The following VDAC1 variants were observed in gnomAD, a reference collection of about 807,000 sequenced individuals.
VDAC1 encodes non-selective voltage-gated ion channel VDAC1.
Under a neutral mutation model 34.7 loss-of-function variants are expected in VDAC1, and 10 were observed. That is an observed-to-expected ratio of 0.29 (90% CI 0.18 to 0.49). The LOEUF (loss-of-function observed/expected upper bound fraction) is 0.49, where lower values mean the gene tolerates loss of function less well. Ranked by LOEUF, VDAC1 falls within the 20% of genes least tolerant of loss-of-function variation. VDAC1 has a pLI of 0.99. For missense variants in VDAC1, 230 were observed against 347.9 expected, an observed-to-expected ratio of 0.66 and a Z score of 2.69; for synonymous variants, 130 against 136.0, an observed-to-expected ratio of 0.96 and a Z score of 0.30.
At chr5:134,058,724 C>G in the VDAC1 span, among the ~76,000 whole-genome samples, 5 of 152,164 alleles carry the variant, frequency 3.3e-5, no homozygotes, top group Admixed American at 6.5e-5. Context: ...GGGAACAGAG[C>G]AAAGATGGAG....
chr5:133,972,949 T>G, intron 8 of VDAC1, 87 bp from the exon 9 acceptor site: 1 of 1,145,284 alleles, frequency 8.7e-7, no homozygotes, highest in South Asian at 1.3e-5. Context: ...TCAGAACCTG[T>G]TCCAGGTATT....
the VDAC1 span, among the ~76,000 whole-genome samples, chr5:134,109,219 A>G: frequency 6.6e-6 from 1 of 152,222 alleles, no homozygotes; most frequent in African/African-American, 2.4e-5. Context: ...GATAAGCAAC[A>G]AAGCCCTGTA....
At chr5:134,032,583 T>C in the VDAC1 span, among the ~76,000 whole-genome samples, 5 of 152,208 alleles carry the variant, frequency 3.3e-5, no homozygotes, top group Non-Finnish European at 5.9e-5. Flanking sequence ...AATGGTTGAA[T>C]GAGCCACGGT....
the VDAC1 span, among the ~76,000 whole-genome samples, chr5:134,043,521 CTTTTCTT>C: frequency 7.4e-5 from 11 of 148,778 alleles, no homozygotes; most frequent in African/African-American, 2.0e-4. Flanking sequence ...GCTGGGTAGA[CTTTTCTT>C]TTTTCTTTTT....
At chr5:134,095,676 G>A in the VDAC1 span, among the ~76,000 whole-genome samples, 2 of 151,984 alleles carry the variant, frequency 1.3e-5, no homozygotes, top group South Asian at 2.1e-4. Flanking sequence ...ATCCTAGTGA[G>A]CTGGGAGAGG....
At chr5:134,079,659 C>G in the VDAC1 span, among the ~76,000 whole-genome samples, 1 of 152,210 alleles carries the variant, frequency 6.6e-6, no homozygotes, top group Non-Finnish European at 1.5e-5. Flanking sequence ...CCAGCCAGAT[C>G]CTCCCTTTGT....
At chr5:134,103,262 C>T in the VDAC1 span, among the ~76,000 whole-genome samples, 1 of 152,200 alleles carries the variant, frequency 6.6e-6, no homozygotes, top group African/African-American at 2.4e-5. Context: ...GCTGGGACTA[C>T]AGGCATGTAC....
chr5:134,067,817 C>T, the VDAC1 span, among the ~76,000 whole-genome samples: 13 of 152,136 alleles, frequency 8.5e-5, no homozygotes, highest in African/African-American at 2.2e-4. Context: ...AACAAAAGAA[C>T]CTTAGAATGC....
the VDAC1 span, among the ~76,000 whole-genome samples, chr5:134,025,130 T>C: frequency 6.6e-6 from 1 of 152,200 alleles, no homozygotes; most frequent in Non-Finnish European, 1.5e-5. Context: ...AAAAGATCTT[T>C]AATTGGCTCA....
At chr5:134,095,998 C>G in the VDAC1 span, among the ~76,000 whole-genome samples, 1 of 152,256 alleles carries the variant, frequency 6.6e-6, no homozygotes, top group African/African-American at 2.4e-5. Flanking sequence ...GCTTCACCCT[C>G]CCGCTCTCAG....
At chr5:134,014,161 C>T in the VDAC1 span, among the ~76,000 whole-genome samples, 4 of 151,652 alleles carry the variant, frequency 2.6e-5, no homozygotes, top group African/African-American at 7.3e-5. Context: ...TGGTGGCACG[C>T]GCTTGTAATC....
At chr5:134,054,486 A>T in the VDAC1 span, among the ~76,000 whole-genome samples, 3 of 97,156 alleles carry the variant, frequency 3.1e-5, no homozygotes, top group Non-Finnish European at 1.9e-5. Context: ...CTTTTGATGG[A>T]GTCTCGCTCT....
intron 1 of VDAC1, among the ~76,000 whole-genome samples, chr5:133,998,537 C>T (rs969405281): frequency 6.6e-6 from 1 of 151,946 alleles, no homozygotes; most frequent in African/African-American, 2.4e-5. Flanking sequence ...ACTCCCTCTC[C>T]AAAAAAACAG....
chr5:134,052,136 T>C, the VDAC1 span, among the ~76,000 whole-genome samples: 1 of 152,158 alleles, frequency 6.6e-6, no homozygotes, highest in Non-Finnish European at 1.5e-5. Context: ...ATGCATCTTC[T>C]TACCTCTGAA....
the VDAC1 span, among the ~76,000 whole-genome samples, chr5:134,070,347 C>T: frequency 6.6e-6 from 1 of 152,096 alleles, no homozygotes; most frequent in African/African-American, 2.4e-5. Context: ...TTCATCCTAT[C>T]TAGTCACCCT....
chr5:134,059,062 C>G, the VDAC1 span, among the ~76,000 whole-genome samples: 1 of 152,234 alleles, frequency 6.6e-6, no homozygotes, highest in Non-Finnish European at 1.5e-5. Flanking sequence ...GGCTTGCCAA[C>G]CCATGGTCGG....
At chr5:134,062,762 G>A in the VDAC1 span, among the ~76,000 whole-genome samples, 3 of 151,592 alleles carry the variant, frequency 2.0e-5, no homozygotes, top group Admixed American at 6.6e-5. Context: ...GAGTAGCTGG[G>A]AGTACAGGCG....
At chr5:134,002,283 G>A (rs1753587133) in intron 1 of VDAC1, among the ~76,000 whole-genome samples, 1 of 152,146 alleles carries the variant, frequency 6.6e-6, no homozygotes, top group South Asian at 2.1e-4. Flanking sequence ...CCCACTTTCT[G>A]AGCTACGAAT....
At chr5:134,028,338 G>A in the VDAC1 span, among the ~76,000 whole-genome samples, 1 of 151,626 alleles carries the variant, frequency 6.6e-6, no homozygotes, top group Admixed American at 6.6e-5. Flanking sequence ...TCACCATGTT[G>A]GCCAGGCTGG....
Sources: gnomAD v4.1 joint callset for allele counts (sites outside exome capture counted in the v4.1 genomes callset) on GRCh38, gnomAD v4.1.1 for gene constraint, MANE v1.5 for transcripts, NCBI Gene and HGNC (gene_info 2026-07-23, HGNC 2026-07-21) for gene names.